Variants in ADGRD1 observed in about 807,000 individuals in gnomAD.
The protein encoded by ADGRD1 is adhesion G protein-coupled receptor D1.
A neutral mutation model predicts 113.4 loss-of-function variants in ADGRD1; 77 were observed. The ratio of observed to expected loss-of-function variants is 0.68; its 90% confidence interval spans 0.57 to 0.82. The LOEUF is 0.82. Among genes scored for constraint, ADGRD1 ranks in the 40% least tolerant of loss-of-function variants. The pLI, the probability that ADGRD1 is intolerant of heterozygous loss-of-function variation, is 0.00. For missense variants in ADGRD1, 1,036 were observed against 1,139.1 expected, an observed-to-expected ratio of 0.91 and a Z score of 1.30; for synonymous variants, 474 against 475.0, an observed-to-expected ratio of 1.00 and a Z score of 0.03.
chr12:131,014,032 A>G (rs1026044318), intron 12 of ADGRD1, among the ~76,000 whole-genome samples, 167 bp from the exon 13 acceptor site: 1 of 152,252 alleles, frequency 6.6e-6, no homozygotes, highest in Non-Finnish European at 1.5e-5. Context: ...CCAGCTTCAC[A>G]TCTTGAAGGA....
At chr12:131,128,688 G>A (rs1341021149) in intron 20 of ADGRD1, among the ~76,000 whole-genome samples, 1 of 152,156 alleles carries the variant, frequency 6.6e-6, no homozygotes, top group Non-Finnish European at 1.5e-5. Flanking sequence ...TGGGTATCCT[G>A]GGGTTTTGTG....
intron 13 of ADGRD1, among the ~76,000 whole-genome samples, chr12:131,016,457 C>T (rs1429616934): frequency 3.3e-5 from 5 of 152,228 alleles, no homozygotes; most frequent in African/African-American, 1.2e-4. Flanking sequence ...ACAGGCTGTC[C>T]CCTCTGCCGT....
chr12:131,053,263 A>G (rs1007053477), intron 13 of ADGRD1, among the ~76,000 whole-genome samples: 1 of 152,134 alleles, frequency 6.6e-6, no homozygotes, highest in Non-Finnish European at 1.5e-5. Flanking sequence ...GTCTGCTTCC[A>G]CTTCCCTGCC....
intron 13 of ADGRD1, among the ~76,000 whole-genome samples, chr12:131,034,469 G>C (rs1338594293): frequency 6.6e-6 from 1 of 152,200 alleles, no homozygotes; most frequent in Non-Finnish European, 1.5e-5. Context: ...TGTCTTACTT[G>C]TGTGTTTGCT....
intron 2 of ADGRD1, chr12:130,956,296 G>T (rs1869572142): frequency 6.6e-6 from 1 of 152,252 alleles, no homozygotes. Context: ...TCCAGGCATC[G>T]TCGCCTCGCC....
intron 13 of ADGRD1, chr12:131,024,603 A>G (rs947501719): frequency 1.3e-5 from 2 of 152,230 alleles, no homozygotes; most frequent in Admixed American, 6.5e-5. Context: ...TCAGTACAGT[A>G]GTGGGCACAG....
At chr12:130,993,399 C>CATTT (rs1874696964) in intron 8 of ADGRD1, among the ~76,000 whole-genome samples, 1 of 150,288 alleles carries the variant, frequency 6.7e-6, no homozygotes, top group Non-Finnish European at 1.5e-5. Context: ...TTCATTCATT[C>CATTT]ATTCATTCAT....
chr12:130,959,128 C>T (rs952261700), intron 2 of ADGRD1, among the ~76,000 whole-genome samples: 3 of 152,196 alleles, frequency 2.0e-5, no homozygotes, highest in Admixed American at 6.5e-5. Context: ...CAGTATAGAG[C>T]GAGAGCCTGA....
chr12:131,000,119 C>T (rs751786048), intron 8 of ADGRD1, among the ~76,000 whole-genome samples: 15 of 152,308 alleles, frequency 9.8e-5, no homozygotes, highest in Admixed American at 3.3e-4. Context: ...GGGCCCCTGC[C>T]GTCACTGAGC....
intron 13 of ADGRD1, among the ~76,000 whole-genome samples, chr12:131,032,643 A>T (rs1053999358): frequency 2.5e-4 from 38 of 152,156 alleles, no homozygotes; most frequent in African/African-American, 9.2e-4. Flanking sequence ...GGCAGTGACG[A>T]TTATGCTTAT....
intron 13 of ADGRD1, among the ~76,000 whole-genome samples, chr12:131,048,198 A>G (rs185279238): frequency 6.6e-6 from 1 of 152,324 alleles, no homozygotes; most frequent in Admixed American, 6.5e-5. Context: ...GCTGAGTGGA[A>G]GGCTGAGGGC....
chr12:131,132,240 C>T (rs1292291384), intron 21 of ADGRD1, among the ~76,000 whole-genome samples: 3 of 152,180 alleles, frequency 2.0e-5, no homozygotes, highest in African/African-American at 4.8e-5. Flanking sequence ...ATAACAGGTT[C>T]CCCCTCAGCT....
intron 4 of ADGRD1, among the ~76,000 whole-genome samples, chr12:130,979,815 TCTCACACACACACACACACACA>T (rs771111701): frequency 7.2e-5 from 10 of 139,840 alleles, no homozygotes; most frequent in South Asian, 2.3e-4. Flanking sequence ...GCAGCTAGTG[TCTCACACACACACACACACACA>T]CACACACACA....
intron 15 of ADGRD1, among the ~76,000 whole-genome samples, chr12:131,093,886 G>A (rs1887081131): frequency 6.6e-6 from 1 of 152,180 alleles, no homozygotes; most frequent in Admixed American, 6.5e-5. Flanking sequence ...TCCTTGTGGA[G>A]CTGTGGTGGT....
intron 19 of ADGRD1, among the ~76,000 whole-genome samples, chr12:131,119,693 C>T (rs1194160413): frequency 6.6e-6 from 1 of 152,246 alleles, no homozygotes; most frequent in East Asian, 1.9e-4. Context: ...TCTCTCTTTG[C>T]AGAAGCATCC....
chr12:131,011,315 G>A (rs533957947), intron 12 of ADGRD1, among the ~76,000 whole-genome samples: 4 of 151,852 alleles, frequency 2.6e-5, no homozygotes, highest in South Asian at 2.1e-4. Context: ...TGGGCCTGGT[G>A]GAGGCCACGT....
In ADGRD1 at chr12:130,984,809, C is replaced by T. The variant is rs1873432568; in HGVS notation, c.491-2286C>T. On this transcript the variant is annotated intron_variant, in intron 5 of 24. Transcript: ENST00000261654. The surrounding 1 kb of genome is among the most constrained non-coding windows in gnomAD (Gnocchi z 4.1). Reference sequence around the variant, plus strand: ...CTCTTTTCCTTCTTTCCCTCCCTCCCTTCCTCCCTCCCTTCCTTCCTTCCT... The same window carrying T: ...CTCTTTTCCTTCTTTCCCTCCCTCCTTTCCTCCCTCCCTTCCTTCCTTCCT... Among the ~76,000 whole-genome samples the T allele has an allele frequency of 1.4e-5, 2 of 143,920 alleles. No homozygotes were observed. The highest frequency in any genetic ancestry group is 5.0e-5 in the African/African-American group (2 of 40,148). The allele number at this position is 143,920 out of a possible 152,430, so 94.4% of individuals were successfully genotyped here.
chr12:131,136,944 A>G (rs1179044111), intron 22 of ADGRD1, 29 bp from the exon 23 acceptor site: 2 of 1,588,370 alleles, frequency 1.3e-6, no homozygotes, highest in Admixed American at 1.7e-5. Context: ...AAGGGCTCTA[A>G]TCTCTGCGTT....
In ADGRD1 at chr12:131,004,235, C is replaced by A; in HGVS notation, c.1194C>A (p.Tyr398Ter). The A allele has an allele frequency of 6.2e-7, 1 of 1,614,086 alleles. No homozygotes were observed. Residue 398 changes from tyrosine to a stop codon, truncating the protein, a stop_gained, in exon 11 of 25, where the codon TAC becomes TAA. Transcript: ENST00000261654. LOFTEE classifies it high-confidence loss of function. ...ILPKTVNSSH[Y>*]RFPAHGQSFI... ...CCAAGACCGTGAATTCCTCCCATTA[C>A]CGCTTCCCGGCCCACGGGCAGAGCT...
Sources: allele counts gnomAD v4.1 joint callset (sites outside exome capture counted in the v4.1 genomes callset), GRCh38; gene constraint gnomAD v4.1.1; non-coding constraint Gnocchi (gnomAD v3.1); transcripts MANE v1.5; gene names NCBI Gene and HGNC (gene_info 2026-07-23, HGNC 2026-07-21).